Variants in SERPINE2 observed in about 807,000 individuals in gnomAD.
The protein encoded by SERPINE2 is glia-derived nexin.
Under a neutral mutation model 36.3 loss-of-function variants are expected in SERPINE2, and 14 were observed. The ratio of observed to expected loss-of-function variants is 0.39; its 90% CI spans 0.25 to 0.60. SERPINE2 has a LOEUF of 0.60. Ranked by LOEUF, SERPINE2 falls within the 20% of genes least tolerant of loss-of-function variation. SERPINE2 has a pLI of 0.57. For missense variants in SERPINE2, 418 were observed against 499.6 expected, an observed-to-expected ratio of 0.84 and a Z score of 1.56; for synonymous variants, 192 against 191.8, an observed-to-expected ratio of 1.00 and a Z score of -0.01.
intron 1 of SERPINE2, among the ~76,000 whole-genome samples, chr2:224,002,658 ATTTTTTTTTT>A (rs11418943): frequency 2.6e-5 from 3 of 116,532 alleles, no homozygotes; most frequent in African/African-American, 9.9e-5. Flanking sequence ...TCGTCTGGCA[ATTTTTTTTTT>A]TTTTTTTTTT....
chr2:223,987,133 T>A (rs1250651826), intron 4 of SERPINE2, among the ~76,000 whole-genome samples: 1 of 152,186 alleles, frequency 6.6e-6, no homozygotes, highest in Non-Finnish European at 1.5e-5. Flanking sequence ...AGTCTTAGTT[T>A]CTTTATCTGT....
chr2:224,005,032 A>AATATATTT (rs1691341755), intron 1 of SERPINE2, among the ~76,000 whole-genome samples: 1 of 80,208 alleles, frequency 1.2e-5, no homozygotes. Context: ...ATATTATATA[A>AATATATTT]TATATAAATA....
intron 1 of SERPINE2, among the ~76,000 whole-genome samples, chr2:224,020,450 C>T (rs977724308): frequency 9.2e-5 from 14 of 152,170 alleles, no homozygotes. Flanking sequence ...CATATATTTC[C>T]ATGGTGGGGC....
intron 1 of SERPINE2, among the ~76,000 whole-genome samples, chr2:224,025,846 A>T (rs1010524469): frequency 2.6e-5 from 4 of 152,254 alleles, no homozygotes; most frequent in African/African-American, 9.6e-5. Context: ...TCCACACAGC[A>T]TATTAGTGAT....
At chr2:223,998,960 T>C (rs1417089648) in intron 2 of SERPINE2, among the ~76,000 whole-genome samples, 1 of 152,214 alleles carries the variant, frequency 6.6e-6, no homozygotes. Context: ...TCAGTATGAA[T>C]GCTGGCACAG....
In SERPINE2 at chr2:223,984,787, G is replaced by A. The variant is rs374156672; in HGVS notation, c.849C>T (p.Ile283=). ...TCACCTGCACCCTCTTGGGCACCAT[G>A]ATGCTCATCCAGCTGTCTATGGTCT... ...STKTIDSWMS[I]MVPKRVQVIL... is the part of the protein sequence containing the mutation. Residue 283 remains isoleucine (I), a synonymous_variant, in exon 5 of 9, where the codon ATC becomes ATT. Transcript: ENST00000409304. 1.4e-5 allele frequency: 23 copies of A among 1,613,330 alleles called. No individual in the cohort carries two copies. The highest frequency in any genetic ancestry group is 1.9e-5 in the Non-Finnish European group (22 of 1,179,954).
chr2:223,989,327 T>C (rs1574817114), intron 4 of SERPINE2, among the ~76,000 whole-genome samples: 1 of 152,196 alleles, frequency 6.6e-6, no homozygotes, highest in Admixed American at 6.5e-5. Context: ...ATAAACTGAA[T>C]GACAATGTTT....
chr2:223,998,425 A>G (rs1690981809), intron 2 of SERPINE2, 83 bp from the exon 3 acceptor site: 3 of 1,032,260 alleles, frequency 2.9e-6, no homozygotes, highest in African/African-American at 1.6e-5. Context: ...GCAGCAAGTA[A>G]GAACAGTATA....
intron 2 of SERPINE2, among the ~76,000 whole-genome samples, chr2:223,998,601 A>G (rs376948768): frequency 1.3e-5 from 2 of 152,104 alleles, no homozygotes; most frequent in South Asian, 4.1e-4. Flanking sequence ...TGTGATACCA[A>G]CTACTTGAGG....
At chr2:224,031,612 A>G (rs1418240602) in intron 1 of SERPINE2, 2 of 530,968 alleles carry the variant, frequency 3.8e-6, no homozygotes, top group Admixed American at 6.4e-5. Flanking sequence ...GCCCACAGCC[A>G]TTGGTATCGG....
chr2:224,031,682 C>T (rs993865914), intron 1 of SERPINE2, among the ~76,000 whole-genome samples: 4 of 152,214 alleles, frequency 2.6e-5, no homozygotes, highest in Admixed American at 1.3e-4. Flanking sequence ...CTCCTCTGCC[C>T]ACAGCCATTG....
At chr2:224,029,026 T>C (rs1692276318) in intron 1 of SERPINE2, among the ~76,000 whole-genome samples, 1 of 152,208 alleles carries the variant, frequency 6.6e-6, no homozygotes, top group African/African-American at 2.4e-5. Context: ...GCTAAATTAA[T>C]TCAAATTAGT....
intron 4 of SERPINE2, among the ~76,000 whole-genome samples, chr2:223,985,587 A>C (rs1176581158): frequency 6.6e-6 from 1 of 152,132 alleles, no homozygotes; most frequent in Non-Finnish European, 1.5e-5. Context: ...CACAGGGCTC[A>C]CTCTGTGCCA....
At chr2:223,992,542 T>C (rs1025472455) in intron 3 of SERPINE2, among the ~76,000 whole-genome samples, 8 of 152,164 alleles carry the variant, frequency 5.3e-5, no homozygotes, top group African/African-American at 1.9e-4. Context: ...TCAAACATTA[T>C]TTTGGAATCT....
At chr2:224,034,429 G>A (rs192741120) in intron 1 of SERPINE2, among the ~76,000 whole-genome samples, 1 of 152,258 alleles carries the variant, frequency 6.6e-6, no homozygotes, top group East Asian at 1.9e-4. Flanking sequence ...GTTTACGGGA[G>A]GTTCAGTTTT....
chr2:223,984,676 T>C (rs948884305), intron 5 of SERPINE2, 76 bp downstream of exon 5: 58 of 1,409,640 alleles, frequency 4.1e-5, no homozygotes, highest in Non-Finnish European at 5.5e-5. Context: ...TTTCGCCTCA[T>C]GTTGTCTGGT....
intron 2 of SERPINE2, among the ~76,000 whole-genome samples, chr2:223,999,505 C>A (rs193195755): frequency 1.2e-3 from 179 of 152,274 alleles, no homozygotes; most frequent in Non-Finnish European, 1.9e-3. Context: ...CTTCTCAGGG[C>A]CCACAAACAG....
Position 223,975,827 on chromosome 2 carries a change from A to C in SERPINE2, c.*40T>G. 18 of 1,513,388 alleles carry C rather than the reference A, an allele frequency of 1.2e-5. No individual in the cohort carries two copies. Among genetic ancestry groups the C allele is most frequent in the Non-Finnish European group, 1.5e-5 (17 of 1,115,706 alleles). 93.7% of individuals were successfully genotyped at this position (1,513,388 alleles called of 1,614,324 possible). A position where few individuals can be genotyped will look rare whatever the true frequency, so the allele number is the denominator to read the frequency against. On this transcript the variant is annotated 3_prime_UTR_variant, in exon 9 of 9. Transcript: ENST00000409304. ...CAGGAAAGGAGTCTTTCTTCGTAGC[A>C]AAGTAGTCGTTGCTTTGCATGGTTT...
At chr2:224,030,011 A>G in intron 1 of SERPINE2, 1 of 974,700 alleles carries the variant, frequency 1.0e-6, no homozygotes, top group Non-Finnish European at 1.2e-6. Context: ...CCCTGCATAG[A>G]CATTTATTCG....
Sources: gnomAD v4.1 joint callset for allele counts (sites outside exome capture counted in the v4.1 genomes callset) on GRCh38, gnomAD v4.1.1 for gene constraint, MANE v1.5 for transcripts, NCBI Gene and HGNC (gene_info 2026-07-23, HGNC 2026-07-21) for gene names.